Variants in PDE4B observed in about 807,000 individuals in gnomAD.
The protein encoded by PDE4B is 3',5'-cyclic-AMP phosphodiesterase 4B.
Under a neutral mutation model 82.2 loss-of-function variants are expected in PDE4B, and 20 were observed. The ratio of observed to expected loss-of-function variants is 0.24; its 90% CI spans 0.17 to 0.35. PDE4B has a LOEUF of 0.35. PDE4B is among the 10% of genes least tolerant of loss of function. PDE4B has a pLI of 1.00. For missense variants in PDE4B, 655 were observed against 907.2 expected, an observed-to-expected ratio of 0.72 and a Z score of 3.57; for synonymous variants, 320 against 318.9, an observed-to-expected ratio of 1.00 and a Z score of -0.04.
At chr1:66,093,294 G>A (rs937659677) in intron 3 of PDE4B, among the ~76,000 whole-genome samples, 10 of 151,966 alleles carry the variant, frequency 6.6e-5, no homozygotes, top group Admixed American at 2.6e-4. Flanking sequence ...ATTTTATTAC[G>A]TATTTGTATA....
chr1:65,908,767 C>T (rs150846747), intron 1 of PDE4B, among the ~76,000 whole-genome samples: 156 of 152,150 alleles, frequency 1.0e-3, no homozygotes, highest in African/African-American at 3.6e-3. Flanking sequence ...CCTACTGCCC[C>T]GTTACAGGAA....
At chr1:66,147,840 A>C (rs190946819) in intron 3 of PDE4B, among the ~76,000 whole-genome samples, 64 of 152,358 alleles carry the variant, frequency 4.2e-4, no homozygotes, top group African/African-American at 1.5e-3. Flanking sequence ...ATTTGCTATT[A>C]CTTTATCACT....
chr1:66,344,852 T>C (rs1661267473), intron 8 of PDE4B, among the ~76,000 whole-genome samples: 1 of 152,220 alleles, frequency 6.6e-6, no homozygotes, highest in South Asian at 2.1e-4. Context: ...ACATTAGTTA[T>C]GAGACAGTGC....
At chr1:66,257,290 C>A in intron 4 of PDE4B, 1 of 381,002 alleles carries the variant, frequency 2.6e-6, no homozygotes, top group Non-Finnish European at 5.1e-6. Flanking sequence ...TCCCTGTGAG[C>A]AGCCCTCCCT....
chr1:66,150,464 G>T (rs1029045495), intron 3 of PDE4B, among the ~76,000 whole-genome samples: 1 of 152,108 alleles, frequency 6.6e-6, no homozygotes, highest in Non-Finnish European at 1.5e-5. Context: ...CTATTTACAA[G>T]ATTATGACAT....
intron 4 of PDE4B, among the ~76,000 whole-genome samples, chr1:66,249,265 A>G (rs962666412): frequency 2.0e-5 from 3 of 152,216 alleles, no homozygotes; most frequent in South Asian, 2.1e-4. Context: ...AGGCTTCATC[A>G]TGGAAGACCG....
chr1:66,162,897 T>C (rs1646646404), intron 3 of PDE4B, among the ~76,000 whole-genome samples: 2 of 152,178 alleles, frequency 1.3e-5, no homozygotes, highest in Admixed American at 1.3e-4. Context: ...ATCAATTGTG[T>C]TTTTGACTGT....
chr1:66,024,417 A>C (rs1653321129), intron 3 of PDE4B, among the ~76,000 whole-genome samples: 1 of 152,130 alleles, frequency 6.6e-6, no homozygotes, highest in Non-Finnish European at 1.5e-5. Flanking sequence ...ACATTTTCAG[A>C]TATGGAAAGC....
chr1:66,265,035 T>C (rs1654936688), intron 6 of PDE4B, among the ~76,000 whole-genome samples: 1 of 152,250 alleles, frequency 6.6e-6, no homozygotes, highest in Non-Finnish European at 1.5e-5. Flanking sequence ...AATGTCCTGT[T>C]ACTCCTTAGT....
chr1:66,157,064 A>AGTT, intron 3 of PDE4B, among the ~76,000 whole-genome samples: 1 of 152,284 alleles, frequency 6.6e-6, no homozygotes, highest in South Asian at 2.1e-4. Context: ...TAGGCATCTC[A>AGTT]AACTTACAAT....
chr1:65,881,640 A>G (rs559843351), intron 1 of PDE4B, among the ~76,000 whole-genome samples: 6 of 152,306 alleles, frequency 3.9e-5, no homozygotes, highest in African/African-American at 1.4e-4. Flanking sequence ...AATACGACCC[A>G]CAATGGGCAT....
At chr1:66,190,983 C>T (rs542137042) in intron 3 of PDE4B, among the ~76,000 whole-genome samples, 5 of 152,210 alleles carry the variant, frequency 3.3e-5, no homozygotes, top group South Asian at 2.1e-4. Context: ...TTGACTCCAC[C>T]CCCTGGAGTT....
At chr1:65,892,096 A>G (rs1646858768) in intron 1 of PDE4B, among the ~76,000 whole-genome samples, 1 of 152,136 alleles carries the variant, frequency 6.6e-6, no homozygotes. Flanking sequence ...CCTTGCTTTT[A>G]GAAACCTAGC....
intron 3 of PDE4B, among the ~76,000 whole-genome samples, chr1:66,009,326 C>A (rs190216708): frequency 7.2e-5 from 11 of 152,318 alleles, no homozygotes; most frequent in Admixed American, 3.3e-4. Flanking sequence ...TCCAAGTAAC[C>A]ATTACCTCAA....
chr1:66,232,816 G>A (rs777985209), intron 3 of PDE4B, among the ~76,000 whole-genome samples: 6 of 152,102 alleles, frequency 3.9e-5, no homozygotes, highest in East Asian at 1.9e-4. Context: ...GAAGTGTTGC[G>A]GGCCAAATCC....
chr1:66,158,093 C>T (rs12082662), intron 3 of PDE4B, among the ~76,000 whole-genome samples: 2,530 of 152,230 alleles, frequency 0.017, 63 homozygotes, highest in African/African-American at 0.058. Context: ...TATTCTACTG[C>T]ATAGATTGAG....
At chr1:65,944,325 G>T (rs1648596633) in intron 3 of PDE4B, among the ~76,000 whole-genome samples, 2 of 151,792 alleles carry the variant, frequency 1.3e-5, no homozygotes. Context: ...TGATTATGGT[G>T]AATGGCCCTT....
chr1:65,986,685 T>C (rs1317741620), intron 3 of PDE4B, among the ~76,000 whole-genome samples: 1 of 152,148 alleles, frequency 6.6e-6, no homozygotes, highest in Non-Finnish European at 1.5e-5. Context: ...TTTGGGGAGC[T>C]GAGATTACAG....
At chr1:65,902,031 T>G (rs1479507118) in intron 1 of PDE4B, among the ~76,000 whole-genome samples, 1 of 152,174 alleles carries the variant, frequency 6.6e-6, no homozygotes, top group African/African-American at 2.4e-5. Context: ...TGCCTTAATT[T>G]TTTTTATTTA....
Sources: allele counts gnomAD v4.1 joint callset (sites outside exome capture counted in the v4.1 genomes callset), GRCh38; gene constraint gnomAD v4.1.1; transcripts MANE v1.5; gene names NCBI Gene and HGNC (gene_info 2026-07-23, HGNC 2026-07-21).